The following COMMD10 variants were observed in gnomAD, a reference collection of about 807,000 sequenced individuals.
COMMD10 encodes the protein COMM domain-containing protein 10.
A neutral mutation model predicts 28.9 loss-of-function variants in COMMD10; 33 were observed. The ratio of observed to expected loss-of-function variants is 1.14; its 90% CI spans 0.87 to 1.53. The LOEUF is 1.53. Ranked by LOEUF, COMMD10 falls within the 40% of genes most tolerant of loss-of-function variation. COMMD10 has a pLI of 0.00. For synonymous variants in COMMD10, 110 were observed against 81.7 expected (o/e 1.35, Z -1.87); for missense variants, 310 against 233.4 (o/e 1.33, Z -2.14).
At chr5:116,262,073 G>A (rs1471237489) in intron 5 of COMMD10, among the ~76,000 whole-genome samples, 1 of 151,534 alleles carries the variant, frequency 6.6e-6, no homozygotes, top group Non-Finnish European at 1.5e-5. Context: ...CTTTGTTTGA[G>A]GCCACACTAA....
At chr5:116,275,425 C>T (rs935108286) in intron 5 of COMMD10, among the ~76,000 whole-genome samples, 1 of 151,704 alleles carries the variant, frequency 6.6e-6, no homozygotes, top group African/African-American at 2.4e-5. Context: ...TTATTGACTC[C>T]AGAATGTAGG....
At chr5:116,291,450 TG>T in intron 5 of COMMD10, 66 bp from the exon 6 acceptor site, 1 of 1,108,520 alleles carries the variant, frequency 9.0e-7, no homozygotes, top group Admixed American at 1.9e-5. Context: ...TGAGGTTAGC[TG>T]GAGAGAAAAA....
chr5:116,219,471 T>G (rs1337046767), intron 5 of COMMD10, among the ~76,000 whole-genome samples: 1 of 152,018 alleles, frequency 6.6e-6, no homozygotes, highest in Non-Finnish European at 1.5e-5. Context: ...AATGTCCTTA[T>G]AAGAGAGAGG....
intron 2 of COMMD10, among the ~76,000 whole-genome samples, chr5:116,087,967 T>G (rs919784689): frequency 6.6e-6 from 1 of 152,220 alleles, no homozygotes; most frequent in African/African-American, 2.4e-5. Flanking sequence ...GTTTTATTTT[T>G]CCGCTTAAAA....
chr5:116,155,551 G>A (rs1017102256), intron 5 of COMMD10, among the ~76,000 whole-genome samples: 7 of 152,054 alleles, frequency 4.6e-5, no homozygotes, highest in Non-Finnish European at 8.8e-5. Context: ...GACATCCTGT[G>A]TATTCTGGTA....
At chr5:116,151,167 A>T (rs566513043) in intron 5 of COMMD10, among the ~76,000 whole-genome samples, 3 of 151,746 alleles carry the variant, frequency 2.0e-5, no homozygotes, top group South Asian at 4.2e-4. Flanking sequence ...ACATTTATTG[A>T]TTTGCGTATA....
chr5:116,130,737 A>G (rs1751837624), intron 4 of COMMD10, among the ~76,000 whole-genome samples: 1 of 152,066 alleles, frequency 6.6e-6, no homozygotes, highest in South Asian at 2.1e-4. Flanking sequence ...TGAATGAGTA[A>G]CACAGTCTTG....
chr5:116,275,098 C>T (rs1750868050), intron 5 of COMMD10, among the ~76,000 whole-genome samples: 1 of 151,808 alleles, frequency 6.6e-6, no homozygotes, highest in Non-Finnish European at 1.5e-5. Context: ...AATGGCCCTA[C>T]CCATCTTTCA....
At chr5:116,109,756 T>A (rs751023502) in intron 4 of COMMD10, among the ~76,000 whole-genome samples, 5 of 152,210 alleles carry the variant, frequency 3.3e-5, no homozygotes, top group Non-Finnish European at 7.3e-5. Context: ...CTACATTCAT[T>A]TATTAAATCT....
intron 5 of COMMD10, among the ~76,000 whole-genome samples, chr5:116,172,107 T>A (rs1281748348): frequency 1.3e-5 from 2 of 152,152 alleles, no homozygotes; most frequent in African/African-American, 4.8e-5. Flanking sequence ...TGGAAAAATA[T>A]ATCTTTCAGC....
chr5:116,123,157 G>T (rs1189100101), intron 4 of COMMD10, among the ~76,000 whole-genome samples: 1 of 151,976 alleles, frequency 6.6e-6, no homozygotes, highest in Non-Finnish European at 1.5e-5. Context: ...TCAATACTTA[G>T]TTTATTGGAA....
At chr5:116,286,407 C>T (rs1751218977) in intron 5 of COMMD10, among the ~76,000 whole-genome samples, 1 of 148,096 alleles carries the variant, frequency 6.8e-6, no homozygotes, top group East Asian at 2.0e-4. Context: ...CTTACTTTGA[C>T]CTTAGGGTTT....
intron 5 of COMMD10, among the ~76,000 whole-genome samples, chr5:116,230,910 T>C (rs1353116818): frequency 2.0e-5 from 3 of 152,162 alleles, no homozygotes; most frequent in Non-Finnish European, 4.4e-5. Flanking sequence ...GATTTCATAC[T>C]GTCTTCCTCC....
intron 4 of COMMD10, among the ~76,000 whole-genome samples, chr5:116,106,932 A>G (rs544921602): frequency 3.3e-5 from 5 of 152,120 alleles, no homozygotes; most frequent in Admixed American, 1.3e-4. Flanking sequence ...TCTTTATCCA[A>G]TTTGCCAGTC....
intron 4 of COMMD10, among the ~76,000 whole-genome samples, chr5:116,114,174 G>C (rs1245394067): frequency 1.3e-5 from 2 of 152,110 alleles, no homozygotes; most frequent in East Asian, 3.9e-4. Flanking sequence ...GGTAGCAGTG[G>C]TTGTCTAAGC....
chr5:116,123,109 T>C (rs1019544161), intron 4 of COMMD10, among the ~76,000 whole-genome samples: 12 of 151,396 alleles, frequency 7.9e-5, no homozygotes, highest in Non-Finnish European at 1.6e-4. Context: ...ATATTGGCTG[T>C]GGGTTTGTCA....
chr5:116,092,578 C>G lies in COMMD10; in HGVS notation c.277C>G (p.Gln93Glu). Residue 93 changes from glutamine (Q) to glutamate (E), a missense_variant, in exon 4 of 7, where the codon CAG (glutamine) becomes GAG (glutamate). Transcript: ENST00000274458. Reference sequence around the variant, plus strand: ...TCACAATGTGAAGCCAGCAGCTTTGCAGCAGCAATTAGAGAACATTCATCT... The same window carrying G: ...TCACAATGTGAAGCCAGCAGCTTTGGAGCAGCAATTAGAGAACATTCATCT... ...VYHNVKPAAL[Q>E]QQLENIHLRQ... 6.2e-7 allele frequency: 1 copy of G among 1,608,678 alleles called. No homozygotes were observed. Among genetic ancestry groups the G allele is most frequent in the Middle Eastern group, 1.7e-4 (1 of 6,046 alleles).
chr5:116,264,314 G>C (rs925449786), intron 5 of COMMD10, among the ~76,000 whole-genome samples: 1 of 151,748 alleles, frequency 6.6e-6, no homozygotes, highest in African/African-American at 2.4e-5. Context: ...ACGTATGAAG[G>C]CACAAAAGTG....
In COMMD10 at chr5:116,275,250, A is replaced by G. The variant is rs550585507; in HGVS notation, c.511-16267A>G. 3.4e-4 allele frequency among the ~76,000 whole-genome samples: 52 copies of G among 151,974 alleles called. 1 individual carries two copies. The highest frequency in any genetic ancestry group is 1.2e-3 in the African/African-American group (50 of 41,310). On this transcript the variant is annotated intron_variant, in intron 5 of 6. Coordinates refer to ENST00000274458, the MANE Select transcript of COMMD10 (RefSeq NM_016144.4). Reference sequence around the variant, plus strand: ...GTATGTGTTATAGTCTGTTGCTTCTATGCTAGTTCAAGCCACCATCATCAC... The same window carrying G: ...GTATGTGTTATAGTCTGTTGCTTCTGTGCTAGTTCAAGCCACCATCATCAC...
Sources: allele counts gnomAD v4.1 joint callset (sites outside exome capture counted in the v4.1 genomes callset), GRCh38; gene constraint gnomAD v4.1.1; transcripts MANE v1.5; gene names NCBI Gene and HGNC (gene_info 2026-07-23, HGNC 2026-07-21).